Variants in SLC9A9 observed in about 807,000 individuals in gnomAD.
The protein encoded by SLC9A9 is solute carrier family 9 member A9.
SLC9A9 carries 62 observed loss-of-function variants against 77.8 expected under a neutral mutation model. The observed-to-expected ratio is 0.80, with a 90% confidence interval of 0.65 to 0.98. SLC9A9 has a LOEUF of 0.98. SLC9A9 is among the 50% of genes least tolerant of loss of function. The pLI is 0.00. For missense variants in SLC9A9, 775 were observed against 774.9 expected (o/e 1.00, Z 0.00); for synonymous variants, 320 against 283.5 (o/e 1.13, Z -1.29).
chr3:143,640,613 C>A (rs1279335777), intron 6 of SLC9A9, among the ~76,000 whole-genome samples: 1 of 152,152 alleles, frequency 6.6e-6, no homozygotes, highest in East Asian at 1.9e-4. Flanking sequence ...GTAATCCCAG[C>A]ACTTTGGGAG....
chr3:143,663,534 G>A (rs752192017), intron 5 of SLC9A9, among the ~76,000 whole-genome samples: 2 of 152,202 alleles, frequency 1.3e-5, no homozygotes, highest in Non-Finnish European at 2.9e-5. Flanking sequence ...AAAGGTGGAC[G>A]TTTGAACCCA....
At chr3:143,701,505 G>A (rs1933800640) in intron 4 of SLC9A9, among the ~76,000 whole-genome samples, 1 of 152,142 alleles carries the variant, frequency 6.6e-6, no homozygotes. Context: ...GTTGAAAAAT[G>A]CAATTGACAC....
chr3:143,652,491 ACCTTTATTC>A, intron 5 of SLC9A9, 131 bp from the exon 6 acceptor site: 1 of 728,364 alleles, frequency 1.4e-6, no homozygotes, highest in Non-Finnish European at 2.4e-6. Flanking sequence ...CTAACACCAG[ACCTTTATTC>A]AAAAAATATC....
At position 143,681,176 on chromosome 3, in the gene SLC9A9, A is replaced by C. The variant is rs186215010; in HGVS notation, c.649+12016T>G. Among the ~76,000 whole-genome samples, 85 of 152,328 alleles carry C rather than the reference A, an allele frequency of 5.6e-4. No homozygotes were observed. In the Middle Eastern group the frequency reaches 0.01, roughly 18 times the overall value. On this transcript the variant is annotated intron_variant, in intron 5 of 15. Coordinates refer to ENST00000316549, the MANE Select transcript of SLC9A9 (RefSeq NM_173653.4). ...CACTATTCTTTGTAGTTCTTCTACA[A>C]ATAAACTTTGCAACAAGTCCTCTAT... is the stretch of plus-strand genomic sequence containing the variant.
chr3:143,316,084 G>A (rs1344904608), intron 14 of SLC9A9, among the ~76,000 whole-genome samples: 14 of 152,190 alleles, frequency 9.2e-5, no homozygotes, highest in Admixed American at 7.2e-4. Context: ...CAGAATTGAC[G>A]GACATTAGGG....
chr3:143,318,523 G>A (rs977876271), intron 14 of SLC9A9, among the ~76,000 whole-genome samples: 2 of 152,194 alleles, frequency 1.3e-5, no homozygotes, highest in Non-Finnish European at 2.9e-5. Context: ...ACTACATACA[G>A]ACCTCACAAT....
chr3:143,828,586 G>C (rs544599934), intron 2 of SLC9A9, among the ~76,000 whole-genome samples: 11 of 151,980 alleles, frequency 7.2e-5, no homozygotes, highest in African/African-American at 2.4e-4. Flanking sequence ...CACACACAGA[G>C]AGAGAGAGAG....
At chr3:143,345,297 C>G (rs1341897893) in intron 14 of SLC9A9, among the ~76,000 whole-genome samples, 1 of 151,954 alleles carries the variant, frequency 6.6e-6, no homozygotes, top group Non-Finnish European at 1.5e-5. Flanking sequence ...TTTATTAATT[C>G]CAGCATTGAA....
chr3:143,366,589 A>G (rs1220037172), intron 13 of SLC9A9, among the ~76,000 whole-genome samples: 1 of 152,180 alleles, frequency 6.6e-6, no homozygotes, highest in Non-Finnish European at 1.5e-5. Flanking sequence ...AATCATATGG[A>G]AAAGACTTTT....
chr3:143,365,496 G>A (rs1425764442), intron 13 of SLC9A9, among the ~76,000 whole-genome samples: 7 of 152,180 alleles, frequency 4.6e-5, no homozygotes, highest in African/African-American at 1.7e-4. Flanking sequence ...ATCTTCAACA[G>A]AAAGTGTGTC....
intron 4 of SLC9A9, among the ~76,000 whole-genome samples, chr3:143,746,353 C>CT (rs1268542615): frequency 2.0e-5 from 3 of 152,154 alleles, no homozygotes; most frequent in African/African-American, 7.2e-5. Context: ...CCTAGGTTCT[C>CT]TTTTTTTCTC....
chr3:143,365,292 A>T (rs2108485638), intron 13 of SLC9A9, among the ~76,000 whole-genome samples: 1 of 152,294 alleles, frequency 6.6e-6, no homozygotes, highest in Middle Eastern at 3.4e-3. Flanking sequence ...GGAAGGAGGG[A>T]GAGGCCAGAA....
intron 14 of SLC9A9, among the ~76,000 whole-genome samples, chr3:143,299,997 A>T (rs905913543): frequency 6.6e-6 from 1 of 152,200 alleles, no homozygotes; most frequent in East Asian, 1.9e-4. Context: ...AGAGATCGCT[A>T]ATCTTTTCTC....
At chr3:143,697,299 T>C (rs6776495) in intron 4 of SLC9A9, among the ~76,000 whole-genome samples, 64,733 of 151,844 alleles carry the variant, frequency 0.43, 13,982 homozygotes, top group South Asian at 0.6. Flanking sequence ...AAAAGTTAGA[T>C]GCATACAGCC....
intron 4 of SLC9A9, among the ~76,000 whole-genome samples, chr3:143,706,367 T>C (rs891334884): frequency 6.6e-6 from 1 of 152,196 alleles, no homozygotes; most frequent in African/African-American, 2.4e-5. Flanking sequence ...CCCTAAGGAA[T>C]GTAAGAGGCT....
At chr3:143,732,970 G>A (rs1576689021) in intron 4 of SLC9A9, among the ~76,000 whole-genome samples, 1 of 152,134 alleles carries the variant, frequency 6.6e-6, no homozygotes, top group Admixed American at 6.5e-5. Flanking sequence ...AAAAGTCATC[G>A]AAACCATCAA....
At chr3:143,369,495 T>TA (rs2032994047) in intron 13 of SLC9A9, among the ~76,000 whole-genome samples, 1 of 152,140 alleles carries the variant, frequency 6.6e-6, no homozygotes, top group Admixed American at 6.5e-5. Flanking sequence ...AAGAGAGGAT[T>TA]TTAAATGTTC....
intron 12 of SLC9A9, among the ~76,000 whole-genome samples, chr3:143,461,511 T>C (rs2035191319): frequency 1.3e-5 from 2 of 152,234 alleles, no homozygotes; most frequent in Admixed American, 1.3e-4. Context: ...CTGTGTGCCC[T>C]AAATTCTGTA....
intron 5 of SLC9A9, among the ~76,000 whole-genome samples, chr3:143,692,479 G>T (rs956061): frequency 1.3e-5 from 2 of 151,944 alleles, no homozygotes; most frequent in African/African-American, 4.8e-5. Flanking sequence ...TGAGAGAGTG[G>T]GTGTGGAGGG....
Sources: gnomAD v4.1 joint callset for allele counts (sites outside exome capture counted in the v4.1 genomes callset) on GRCh38, gnomAD v4.1.1 for gene constraint, MANE v1.5 for transcripts, NCBI Gene and HGNC (gene_info 2026-07-23, HGNC 2026-07-21) for gene names.